The following CWC27 variants were observed in gnomAD, a reference collection of about 807,000 sequenced individuals.
CWC27 encodes CWC27 spliceosome associated cyclophilin.
In CWC27, 47 loss-of-function variants were observed where a neutral mutation model predicts 63.6. The observed-to-expected ratio is 0.74, with a 90% confidence interval of 0.58 to 0.94. The LOEUF (loss-of-function observed/expected upper bound fraction) is 0.94, where lower values mean the gene tolerates loss of function less well. Among genes scored for constraint, CWC27 ranks in the 40% least tolerant of loss-of-function variants. The probability of loss-of-function intolerance (pLI) is 0.00; values close to 1 mark genes in which losing one functional copy is unlikely to be tolerated. For synonymous variants in CWC27, 175 were observed against 179.8 expected, an observed-to-expected ratio of 0.97 and a Z score of 0.22; for missense variants, 495 against 554.3, an observed-to-expected ratio of 0.89 and a Z score of 1.07.
intron 10 of CWC27, among the ~76,000 whole-genome samples, chr5:64,860,985 G>T (rs1204962625): frequency 6.6e-6 from 1 of 152,078 alleles, no homozygotes; most frequent in Non-Finnish European, 1.5e-5. Flanking sequence ...AAATTGGATG[G>T]TTCATAATGT....
intron 11 of CWC27, among the ~76,000 whole-genome samples, chr5:64,961,076 A>G (rs1483892986): frequency 2.0e-5 from 3 of 152,204 alleles, no homozygotes; most frequent in Non-Finnish European, 2.9e-5. Flanking sequence ...GTAGGTAGCC[A>G]ATGAAGAGAC....
At chr5:64,842,173 C>G (rs1238972769) in intron 10 of CWC27, among the ~76,000 whole-genome samples, 1 of 152,150 alleles carries the variant, frequency 6.6e-6, no homozygotes, top group African/African-American at 2.4e-5. Flanking sequence ...CCTACAAACC[C>G]TAAAATATTT....
Position 64,843,412 on chromosome 5 carries a change from A to G in CWC27, c.938+39026A>G, listed in dbSNP as rs183568133. On this transcript the variant is annotated intron_variant, in intron 10 of 13. Transcript: ENST00000381070. ...GGATTTGCTGCACATATGTGGGAGT[A>G]TTGATATTAACATCTCAATTCTAAT... Among the ~76,000 whole-genome samples the G allele has an allele frequency of 1.7e-3, 259 of 152,338 alleles. 1 individual carries two copies. Among genetic ancestry groups the G allele is most frequent in the Non-Finnish European group, 3.0e-3 (201 of 68,034 alleles).
intron 11 of CWC27, among the ~76,000 whole-genome samples, chr5:64,930,789 G>C (rs992523589): frequency 6.6e-6 from 1 of 152,092 alleles, no homozygotes. Flanking sequence ...AATGAGAAGC[G>C]TATGGACACC....
chr5:64,958,398 GT>G (rs1470017804), intron 11 of CWC27, among the ~76,000 whole-genome samples: 1 of 152,008 alleles, frequency 6.6e-6, no homozygotes, highest in South Asian at 2.1e-4. Flanking sequence ...CCAAACCTCA[GT>G]TTTTTTATCT....
Position 64,783,996 on chromosome 5 carries a change from T to A in CWC27, c.396+17T>A, listed in dbSNP as rs777810946. ...TTTGGAAAGGTTAGTGTCCAGTGATTTTAAACCTGTGGTTCAGTTTTTGGT... is the reference window on the plus strand; with the variant it reads ...TTTGGAAAGGTTAGTGTCCAGTGATATTAAACCTGTGGTTCAGTTTTTGGT... On this transcript the variant is annotated intron_variant, in intron 4 of 13. Transcript: ENST00000381070. The A allele has an allele frequency of 3.2e-6, 5 of 1,545,318 alleles. No individual in the cohort carries two copies. The highest frequency in any genetic ancestry group is 1.3e-5 in the South Asian group (1 of 79,966).
rs374554759 is a variant in CWC27 at position 64,839,634 on chromosome 5, T to C, written c.938+35248T>C. Among the ~76,000 whole-genome samples the C allele has an allele frequency of 5.9e-5, 9 of 152,268 alleles. 1 individual carries two copies. The South Asian group carries it at 1.0e-3, about 18-fold the overall frequency. On this transcript the variant is annotated intron_variant, in intron 10 of 13. Transcript: ENST00000381070. Reference sequence around the variant, plus strand: ...TATCTCCACAGGAAAATACTGGGAATAGAAGTGTTGGGCTGGAATGTAGAG... The same window carrying C: ...TATCTCCACAGGAAAATACTGGGAACAGAAGTGTTGGGCTGGAATGTAGAG...
rs576537470 is a variant in CWC27, at chr5:64,920,325, C to T, written c.1042+34779C>T. On this transcript the variant is annotated intron_variant, in intron 11 of 13. Transcript: ENST00000381070. ...CCTTACATTCCAGGGATAAAGCCTA[C>T]TTGATTGTGGTGAATTAACTTTTTG... Among the ~76,000 whole-genome samples the T allele has an allele frequency of 3.3e-4, 50 of 152,266 alleles. 1 individual carries two copies. The highest frequency in any genetic ancestry group is 6.5e-4 in the Admixed American group (10 of 15,286).
At chr5:64,900,931 G>C (rs1411593907) in intron 11 of CWC27, among the ~76,000 whole-genome samples, 1 of 152,008 alleles carries the variant, frequency 6.6e-6, no homozygotes, top group Non-Finnish European at 1.5e-5. Flanking sequence ...TGTGGCCCAG[G>C]ACAGCTCTGA....
chr5:64,933,807 C>T (rs1748289862), intron 11 of CWC27, among the ~76,000 whole-genome samples: 1 of 152,074 alleles, frequency 6.6e-6, no homozygotes, highest in Non-Finnish European at 1.5e-5. Flanking sequence ...ATACATTTTT[C>T]TCTTGAACTA....
intron 10 of CWC27, among the ~76,000 whole-genome samples, chr5:64,870,969 T>G (rs1046567367): frequency 5.9e-5 from 9 of 152,134 alleles, no homozygotes; most frequent in Non-Finnish European, 1.2e-4. Context: ...TTTGGGATTC[T>G]TATGATAAGT....
intron 12 of CWC27, among the ~76,000 whole-genome samples, chr5:64,973,754 C>A (rs1749170175): frequency 6.6e-6 from 1 of 152,078 alleles, no homozygotes; most frequent in African/African-American, 2.4e-5. Flanking sequence ...TGAGCAAATG[C>A]CAGTAGCTCA....
At chr5:64,813,767 TA>T (rs1163403216) in intron 10 of CWC27, among the ~76,000 whole-genome samples, 1 of 152,202 alleles carries the variant, frequency 6.6e-6, no homozygotes, top group East Asian at 1.9e-4. Context: ...TTAGGCCATA[TA>T]CTGTGAATTC....
rs574412274 is a variant in CWC27 at position 64,788,100 on chromosome 5, A to C, written c.600-851A>C. Among the ~76,000 whole-genome samples the C allele has an allele frequency of 2.0e-5, 3 of 152,178 alleles. No individual in the cohort carries two copies. The East Asian group carries it at 5.8e-4, about 29-fold the overall frequency. The stretch of plus-strand genomic sequence containing the variant: ...GGCAAAATAACTGCTTATTGGAATT[A>C]TTTATTTGATTTTTAAAAATTCTTT... On this transcript the variant is annotated intron_variant, in intron 6 of 13. Transcript: ENST00000381070.
chr5:64,789,364 CA>C (rs1463783738), intron 7 of CWC27, among the ~76,000 whole-genome samples: 1 of 151,680 alleles, frequency 6.6e-6, no homozygotes, highest in East Asian at 1.9e-4. Flanking sequence ...AGTCACAGAC[CA>C]AAACTCTTAT....
At chr5:64,825,407 G>A (rs1191541529) in intron 10 of CWC27, among the ~76,000 whole-genome samples, 1 of 152,102 alleles carries the variant, frequency 6.6e-6, no homozygotes, top group African/African-American at 2.4e-5. Context: ...GGAGAGGTTG[G>A]AACTAACAAT....
At chr5:64,833,794 C>A (rs1020724376) in intron 10 of CWC27, among the ~76,000 whole-genome samples, 7 of 151,576 alleles carry the variant, frequency 4.6e-5, no homozygotes, top group Non-Finnish European at 8.9e-5. Flanking sequence ...CAAAATTATT[C>A]TTTCCTTAAG....
chr5:64,865,974 A>G (rs1339728775), intron 10 of CWC27, among the ~76,000 whole-genome samples: 1 of 152,144 alleles, frequency 6.6e-6, no homozygotes, highest in African/African-American at 2.4e-5. Context: ...TAAAATGTTT[A>G]GAACTCAGAA....
intron 11 of CWC27, among the ~76,000 whole-genome samples, chr5:64,889,470 A>G (rs1024761268): frequency 2.0e-5 from 3 of 152,248 alleles, no homozygotes; most frequent in African/African-American, 4.8e-5. Flanking sequence ...TATCAATCAA[A>G]TGACCCAATT....
Sources: allele counts gnomAD v4.1 joint callset (sites outside exome capture counted in the v4.1 genomes callset), GRCh38; gene constraint gnomAD v4.1.1; transcripts MANE v1.5; gene names NCBI Gene and HGNC (gene_info 2026-07-23, HGNC 2026-07-21).